Variants in ADGRL2 observed in about 807,000 individuals in gnomAD.
ADGRL2 encodes the protein adhesion G protein-coupled receptor L2, also known as calcium-independent alpha-latrotoxin receptor 2.
In ADGRL2, 44 loss-of-function variants were observed where a neutral mutation model predicts 157.4. That is an observed-to-expected ratio of 0.28 (90% CI 0.22 to 0.36). The LOEUF (loss-of-function observed/expected upper bound fraction) is 0.36. Among genes scored for constraint, ADGRL2 ranks in the 10% least tolerant of loss-of-function variants. The probability of loss-of-function intolerance (pLI) is 1.00; values close to 1 mark genes in which losing one functional copy is unlikely to be tolerated. For missense variants in ADGRL2, 1,510 were observed against 1,768.9 expected (o/e 0.85, Z 2.63); for synonymous variants, 585 against 624.7 (o/e 0.94, Z 0.95).
chr1:81,412,900 C>A (rs1570897716), intron 1 of ADGRL2, among the ~76,000 whole-genome samples: 1 of 151,732 alleles, frequency 6.6e-6, no homozygotes, highest in Non-Finnish European at 1.5e-5. Flanking sequence ...AAAAAAAATT[C>A]AGTCATTTTT....
At chr1:81,498,757 C>G (rs1266795078) in intron 2 of ADGRL2, among the ~76,000 whole-genome samples, 1 of 151,682 alleles carries the variant, frequency 6.6e-6, no homozygotes, top group African/African-American at 2.4e-5. Flanking sequence ...ATAAACTCAC[C>G]AAAACACCAT....
At chr1:81,499,052 C>T (rs1001545569) in intron 2 of ADGRL2, among the ~76,000 whole-genome samples, 14 of 152,282 alleles carry the variant, frequency 9.2e-5, no homozygotes, top group African/African-American at 3.4e-4. Flanking sequence ...GGCAGCTTAC[C>T]AAAGGCACAG....
At chr1:81,851,693 G>A (rs919853272) in intron 2 of ADGRL2, among the ~76,000 whole-genome samples, 6 of 150,008 alleles carry the variant, frequency 4.0e-5, no homozygotes, top group Non-Finnish European at 5.9e-5. Flanking sequence ...ATAAAAATTC[G>A]TAGCTTTTTT....
chr1:81,380,663 A>G (rs1182948131), intron 1 of ADGRL2, among the ~76,000 whole-genome samples: 2 of 152,192 alleles, frequency 1.3e-5, no homozygotes, highest in Non-Finnish European at 2.9e-5. Flanking sequence ...ACTTTAACAT[A>G]CATGGAATTT....
chr1:81,385,409 ATGTGAAAATT>A (rs954074723), intron 1 of ADGRL2, among the ~76,000 whole-genome samples: 3 of 152,140 alleles, frequency 2.0e-5, no homozygotes, highest in East Asian at 1.9e-4. Flanking sequence ...CATTTGTGAA[ATGTGAAAATT>A]TGTGAAAATT....
chr1:81,944,603 C>T (rs1051696403), intron 6 of ADGRL2, among the ~76,000 whole-genome samples: 11 of 152,004 alleles, frequency 7.2e-5, no homozygotes, highest in Non-Finnish European at 1.2e-4. Context: ...AGAGCTTGCA[C>T]TGTTTATAAG....
chr1:81,747,426 A>G (rs1314192615), intron 1 of ADGRL2, among the ~76,000 whole-genome samples: 1 of 151,196 alleles, frequency 6.6e-6, no homozygotes, highest in Non-Finnish European at 1.5e-5. Context: ...TCAGCCTCCC[A>G]AGTAGCTGGG....
chr1:81,938,187 C>A (rs1399653417), intron 4 of ADGRL2, among the ~76,000 whole-genome samples: 1 of 151,688 alleles, frequency 6.6e-6, no homozygotes, highest in Non-Finnish European at 1.5e-5. Flanking sequence ...TTCTCCTGTG[C>A]CACTAGAGGA....
In ADGRL2 at chr1:81,956,042, A is replaced by G. The variant is rs1007743435; in HGVS notation, c.1999A>G (p.Met667Val). The change falls in exon 11 of 24, where the codon ATG becomes GTG. Residue 667 changes from methionine (M) to valine (V), a missense_variant. Coordinates refer to ENST00000686636, the MANE Select transcript of ADGRL2 (RefSeq NM_001366006.2). ...TCTTTTAGAACCAACAAGGGTCTCAATGCCCACAGAAAATATTGGTAAGTG... is the reference window on the plus strand; with the variant it reads ...TCTTTTAGAACCAACAAGGGTCTCAGTGCCCACAGAAAATATTGGTAAGTG... ...DNLLEPTRVS[M>V]PTENIVLEVA... 5.0e-6 allele frequency: 8 copies of G among 1,597,482 alleles called. No homozygotes were observed. The highest frequency in any genetic ancestry group is 2.3e-5 in the East Asian group (1 of 44,372).
chr1:81,561,709 C>T (rs1206972076), intron 2 of ADGRL2, among the ~76,000 whole-genome samples: 1 of 152,110 alleles, frequency 6.6e-6, no homozygotes, highest in Non-Finnish European at 1.5e-5. Context: ...ATCCACCCGC[C>T]TCGGCCTCCC....
chr1:81,556,291 C>T (rs2080275214), intron 2 of ADGRL2, among the ~76,000 whole-genome samples: 1 of 150,704 alleles, frequency 6.6e-6, no homozygotes, highest in Non-Finnish European at 1.5e-5. Flanking sequence ...ATCCTCATCC[C>T]CCGATTCTCA....
Position 81,651,081 on chromosome 1 carries a change from T to G in ADGRL2, c.-143+70101T>G, listed in dbSNP as rs547002572. Among the ~76,000 whole-genome samples the G allele has an allele frequency of 3.7e-3, 562 of 152,322 alleles. 2 individuals are homozygous for G. The highest frequency in any genetic ancestry group is 6.0e-3 in the Non-Finnish European group (409 of 68,044). ...AGAAAAATCCAAGCTGTGTGGAGTT[T>G]AAGGGAGATCAGAATAGAGTCCAAA... is the stretch of plus-strand genomic sequence containing the variant. On this transcript the variant is annotated intron_variant, in intron 3 of 24. Transcript: ENST00000370721.
chr1:81,855,378 T>C (rs1343087662), intron 2 of ADGRL2, among the ~76,000 whole-genome samples: 1 of 152,120 alleles, frequency 6.6e-6, no homozygotes, highest in Non-Finnish European at 1.5e-5. Context: ...TAGTTCAAGG[T>C]TGCAGTGAGC....
chr1:81,354,323 C>T (rs1663123594), intron 1 of ADGRL2, among the ~76,000 whole-genome samples: 1 of 152,208 alleles, frequency 6.6e-6, no homozygotes, highest in Non-Finnish European at 1.5e-5. Flanking sequence ...TATTCTGTTT[C>T]TTCCCCTACA....
intron 6 of ADGRL2, among the ~76,000 whole-genome samples, chr1:81,948,013 T>A (rs1650445547): frequency 6.6e-6 from 1 of 152,086 alleles, no homozygotes; most frequent in East Asian, 1.9e-4. Flanking sequence ...GGTCAGGAGA[T>A]CGAGACCATC....
At chr1:81,349,681 G>A (rs1282773171) in intron 1 of ADGRL2, among the ~76,000 whole-genome samples, 1 of 143,510 alleles carries the variant, frequency 7.0e-6, no homozygotes, top group Non-Finnish European at 1.5e-5. Context: ...TTCATTCTTT[G>A]GAATCACTAA....
chr1:81,313,848 G>T (rs1659924110), intron 1 of ADGRL2, among the ~76,000 whole-genome samples: 1 of 151,878 alleles, frequency 6.6e-6, no homozygotes, highest in Non-Finnish European at 1.5e-5. Flanking sequence ...TTTTTTTCTG[G>T]TGTTCATTGA....
At chr1:81,522,945 A>G (rs1034268060) in intron 2 of ADGRL2, among the ~76,000 whole-genome samples, 2 of 152,176 alleles carry the variant, frequency 1.3e-5, no homozygotes, top group Admixed American at 6.5e-5. Context: ...TCTAGAGAAG[A>G]TATCTTTTTT....
intron 1 of ADGRL2, among the ~76,000 whole-genome samples, chr1:81,719,940 G>A (rs2149116646): frequency 6.6e-6 from 1 of 152,078 alleles, no homozygotes; most frequent in African/African-American, 2.4e-5. Context: ...GACTGTGTTA[G>A]AAAACATGTC....
Sources: gnomAD v4.1 joint callset for allele counts (sites outside exome capture counted in the v4.1 genomes callset) on GRCh38, gnomAD v4.1.1 for gene constraint, MANE v1.5 for transcripts, NCBI Gene and HGNC (gene_info 2026-07-23, HGNC 2026-07-21) for gene names.